RASA2: variants seen among roughly 807,000 people sequenced by gnomAD.
RASA2 encodes the protein RAS p21 protein activator 2, also known as ras GTPase-activating protein 2.
A neutral mutation model predicts 118.2 loss-of-function variants in RASA2; 155 were observed. That is an observed-to-expected ratio of 1.31 (90% CI 1.15 to 1.50). The LOEUF is 1.50. RASA2 is among the 40% of genes most tolerant of loss of function. RASA2 has a pLI of 0.00. For missense variants in RASA2, 1,016 were observed against 1,009.6 expected (o/e 1.01, Z -0.09); for synonymous variants, 353 against 349.1 (o/e 1.01, Z -0.12).
At chr3:141,558,853 A>T (rs1311025252) in intron 7 of RASA2, 33 bp from the exon 8 acceptor site, 1 of 1,486,592 alleles carries the variant, frequency 6.7e-7, no homozygotes, top group South Asian at 1.2e-5. Context: ...TATTTTTTTA[A>T]AAAAAATTTT....
intron 5 of RASA2, among the ~76,000 whole-genome samples, chr3:141,541,158 C>A (rs974065815): frequency 1.1e-4 from 16 of 152,142 alleles, no homozygotes; most frequent in African/African-American, 3.9e-4. Flanking sequence ...AATAGACTGC[C>A]AGATAACCTT....
intron 3 of RASA2, among the ~76,000 whole-genome samples, chr3:141,520,571 A>G (rs922731421): frequency 6.6e-6 from 1 of 152,028 alleles, no homozygotes; most frequent in Non-Finnish European, 1.5e-5. Context: ...TATAATATAC[A>G]TGCATTTGTA....
Position 141,577,011 on chromosome 3 carries a change from G to T in RASA2, c.1495G>T (p.Val499Phe). The T allele has an allele frequency of 1.2e-6, 2 of 1,601,522 alleles. No homozygotes were observed. Among genetic ancestry groups the T allele is most frequent in the Non-Finnish European group, 1.7e-6 (2 of 1,173,632 alleles). ...ATQRFPNDPH[V>F]QYSAVSSFVF... is the part of the protein sequence containing the mutation. The stretch of plus-strand genomic sequence containing the variant: ...TTTTTTTCCTGCAGATGACCCTCAT[G>T]TTCAGTATTCTGCAGTGAGCAGCTT... The change falls in exon 15 of 24, where the codon GTT becomes TTT. Residue 499 changes from valine (V) to phenylalanine (F), a missense_variant. Val to Phe is a conservative substitution (Grantham distance 50). Transcript: ENST00000286364.
At chr3:141,603,729 A>G in intron 19 of RASA2, among the ~76,000 whole-genome samples, 1 of 152,170 alleles carries the variant, frequency 6.6e-6, no homozygotes, top group East Asian at 1.9e-4. Context: ...CCCTATACCC[A>G]TTAACAGTCA....
intron 10 of RASA2, 137 bp downstream of exon 10, chr3:141,571,205 C>A: frequency 8.9e-7 from 1 of 1,118,094 alleles, no homozygotes; most frequent in Non-Finnish European, 1.2e-6. Context: ...TATACACACA[C>A]ACATTTCTAT....
chr3:141,611,356 T>C (rs1482387001), intron 23 of RASA2, among the ~76,000 whole-genome samples: 1 of 152,168 alleles, frequency 6.6e-6, no homozygotes, highest in Non-Finnish European at 1.5e-5. Flanking sequence ...GGCTGTTTTC[T>C]CCGTACTAGG....
chr3:141,561,898 C>T (rs1162648776), intron 9 of RASA2, among the ~76,000 whole-genome samples: 1 of 152,078 alleles, frequency 6.6e-6, no homozygotes, highest in Non-Finnish European at 1.5e-5. Flanking sequence ...TATGATTTAG[C>T]TTTCCAGTTT....
chr3:141,599,095 A>T (rs902558747), intron 19 of RASA2, among the ~76,000 whole-genome samples: 9 of 152,080 alleles, frequency 5.9e-5, no homozygotes, highest in Admixed American at 5.9e-4. Context: ...CTCAATAAAT[A>T]AATTAATTAA....
chr3:141,589,333 C>G (rs2083253228), intron 19 of RASA2, among the ~76,000 whole-genome samples: 1 of 152,076 alleles, frequency 6.6e-6, no homozygotes, highest in Non-Finnish European at 1.5e-5. Context: ...TCATTTAAAG[C>G]ATTTTCTAAT....
At chr3:141,583,034 G>A (rs909783008) in intron 17 of RASA2, among the ~76,000 whole-genome samples, 1 of 152,094 alleles carries the variant, frequency 6.6e-6, no homozygotes, top group African/African-American at 2.4e-5. Context: ...AGCAAACTGG[G>A]ACCTATAGTC....
intron 3 of RASA2, among the ~76,000 whole-genome samples, chr3:141,517,624 A>G (rs563054462): frequency 6.6e-6 from 1 of 152,326 alleles, no homozygotes; most frequent in East Asian, 1.9e-4. Context: ...GTGGGGACAC[A>G]GAGTCAAACC....
At chr3:141,568,600 T>C (rs2082863031) in intron 9 of RASA2, among the ~76,000 whole-genome samples, 2 of 152,184 alleles carry the variant, frequency 1.3e-5, no homozygotes, top group Admixed American at 6.5e-5. Flanking sequence ...TATCTATTTG[T>C]CTATGTGTAG....
At chr3:141,539,861 A>T (rs1214163404) in intron 4 of RASA2, among the ~76,000 whole-genome samples, 1 of 152,202 alleles carries the variant, frequency 6.6e-6, no homozygotes, top group Non-Finnish European at 1.5e-5. Context: ...ATATCTCTTT[A>T]AGAAAGTACT....
Position 141,585,960 on chromosome 3 carries a change from A to T in RASA2, c.1753-65A>T, listed in dbSNP as rs2083194840. On this transcript the variant is annotated intron_variant, in intron 17 of 23. Transcript: ENST00000286364. ...CCCATTATAATTAATGACATGTAAG[A>T]TAAACTGAATTTTTTATAATGTACC... 3.8e-6 allele frequency: 5 copies of T among 1,318,692 alleles called. No individual in the cohort carries two copies. In the African/African-American group the frequency reaches 5.9e-5, roughly 16 times the overall value. The allele number at this position is 1,318,692 out of a possible 1,614,324, so 81.7% of individuals were successfully genotyped here. A position where few individuals can be genotyped will look rare whatever the true frequency, so the allele number is the denominator to read the frequency against.
chr3:141,603,901 G>A (rs1208750033), intron 19 of RASA2, among the ~76,000 whole-genome samples: 1 of 152,152 alleles, frequency 6.6e-6, no homozygotes, highest in Non-Finnish European at 1.5e-5. Flanking sequence ...CATTCATGTT[G>A]TAGCATGAAT....
chr3:141,517,886 A>AC (rs1297686394), intron 3 of RASA2, among the ~76,000 whole-genome samples: 1 of 151,826 alleles, frequency 6.6e-6, no homozygotes, highest in Non-Finnish European at 1.5e-5. Flanking sequence ...CGATCTCCTG[A>AC]CCTCGTGATC....
chr3:141,580,085 AATATAT>A (rs1207351331), intron 15 of RASA2, among the ~76,000 whole-genome samples: 2,165 of 59,426 alleles, frequency 0.036, 81 homozygotes, highest in Admixed American at 0.052. Context: ...AAAAAAAAAA[AATATAT>A]ATATATATAT....
intron 5 of RASA2, among the ~76,000 whole-genome samples, chr3:141,542,968 T>G (rs2082427574): frequency 1.3e-5 from 2 of 152,156 alleles, no homozygotes; most frequent in Admixed American, 6.5e-5. Context: ...TTGGGTCACT[T>G]TTTTAAAAAA....
chr3:141,545,505 A>T (rs978814060), intron 5 of RASA2, among the ~76,000 whole-genome samples: 21 of 132,684 alleles, frequency 1.6e-4, no homozygotes, highest in African/African-American at 6.2e-4. Context: ...CACTCTGTCG[A>T]CCAGGCTGGG....
Sources: allele counts gnomAD v4.1 joint callset (sites outside exome capture counted in the v4.1 genomes callset), GRCh38; gene constraint gnomAD v4.1.1; transcripts MANE v1.5; gene names NCBI Gene and HGNC (gene_info 2026-07-23, HGNC 2026-07-21).